The following TNFRSF10B variants were observed in gnomAD, a reference collection of about 807,000 sequenced individuals.
TNFRSF10B encodes TNF receptor superfamily member 10b.
In TNFRSF10B, 35 loss-of-function variants were observed where a neutral mutation model predicts 41.4. That is an observed-to-expected ratio of 0.85 (90% confidence interval 0.65 to 1.12). The LOEUF (loss-of-function observed/expected upper bound fraction) is 1.12. Ranked by LOEUF, TNFRSF10B falls within the 50% of genes most tolerant of loss-of-function variation. The pLI is 0.00. For missense variants in TNFRSF10B, 584 were observed against 552.7 expected (o/e 1.06, Z -0.57); for synonymous variants, 230 against 215.5 (o/e 1.07, Z -0.59).
At chr8:23,027,556 G>C in intron 6 of TNFRSF10B, 166 bp downstream of exon 6, 1 of 923,344 alleles carries the variant, frequency 1.1e-6, no homozygotes, top group Non-Finnish European at 1.7e-6. Context: ...CCTATGTGGT[G>C]CTCAAAATGG....
intron 2 of TNFRSF10B, 75 bp downstream of exon 2, chr8:23,043,063 G>A (rs1812253250): frequency 7.2e-7 from 1 of 1,394,786 alleles, no homozygotes; most frequent in Non-Finnish European, 1.0e-6. Flanking sequence ...ACAAGGAAGT[G>A]CAAAGGAAAC....
intron 1 of TNFRSF10B, among the ~76,000 whole-genome samples, chr8:23,054,165 T>C (rs370077520): frequency 5.7e-4 from 87 of 152,302 alleles, no homozygotes; most frequent in African/African-American, 2.0e-3. Flanking sequence ...ACTTTGGAGA[T>C]TGTGACATCA....
intron 2 of TNFRSF10B, among the ~76,000 whole-genome samples, chr8:23,042,359 C>T (rs1249296038): frequency 6.6e-6 from 1 of 152,220 alleles, no homozygotes; most frequent in Non-Finnish European, 1.5e-5. Flanking sequence ...GCCACACTTG[C>T]CTGCCCTGGA....
At chr8:23,062,693 T>C (rs1812866517) in intron 1 of TNFRSF10B, among the ~76,000 whole-genome samples, 2 of 152,268 alleles carry the variant, frequency 1.3e-5, no homozygotes, top group Non-Finnish European at 2.9e-5. Context: ...ATAAATATCA[T>C]AGATGGAATC....
chr8:23,047,543 C>T (rs1812398905), intron 1 of TNFRSF10B, among the ~76,000 whole-genome samples: 1 of 151,642 alleles, frequency 6.6e-6, no homozygotes, highest in Non-Finnish European at 1.5e-5. Flanking sequence ...GGGCAAGGGA[C>T]CTGAGTAGAC....
chr8:23,032,452 G>GA (rs1372799459), intron 2 of TNFRSF10B, among the ~76,000 whole-genome samples: 1 of 152,178 alleles, frequency 6.6e-6, no homozygotes, highest in African/African-American at 2.4e-5. Context: ...TTCAAAATTG[G>GA]AAAGTGTGAG....
intron 4 of TNFRSF10B, among the ~76,000 whole-genome samples, chr8:23,029,229 T>C (rs1173294500): frequency 6.6e-6 from 1 of 152,186 alleles, no homozygotes; most frequent in Non-Finnish European, 1.5e-5. Flanking sequence ...GGCCCCTGCA[T>C]GCATAAAAAT....
At chr8:23,056,836 T>C (rs994572977) in intron 1 of TNFRSF10B, among the ~76,000 whole-genome samples, 3 of 152,144 alleles carry the variant, frequency 2.0e-5, no homozygotes, top group Admixed American at 1.3e-4. Context: ...CTATTTCCAA[T>C]TGAATTTCAT....
chr8:23,052,092 T>C (rs907052075), intron 1 of TNFRSF10B, among the ~76,000 whole-genome samples: 14 of 152,268 alleles, frequency 9.2e-5, no homozygotes, highest in South Asian at 2.1e-4. Flanking sequence ...AGTTTTCATA[T>C]ATAATCTGGG....
At chr8:23,039,477 A>G (rs1446667916) in intron 2 of TNFRSF10B, among the ~76,000 whole-genome samples, 1 of 152,082 alleles carries the variant, frequency 6.6e-6, no homozygotes. Flanking sequence ...TCTTTTTTCT[A>G]TTGAGGCTTT....
chr8:23,047,552 A>G (rs181064384), intron 1 of TNFRSF10B, among the ~76,000 whole-genome samples: 1 of 152,234 alleles, frequency 6.6e-6, no homozygotes, highest in Admixed American at 6.5e-5. Context: ...ACCTGAGTAG[A>G]CATTTCTCAG....
intron 2 of TNFRSF10B, among the ~76,000 whole-genome samples, chr8:23,041,181 C>T (rs561659179): frequency 4.6e-5 from 7 of 152,046 alleles, no homozygotes; most frequent in Admixed American, 3.9e-4. Context: ...GCCTCAGCCT[C>T]CCAAGTAGCT....
chr8:23,026,391 G>A (rs576615179), intron 7 of TNFRSF10B, among the ~76,000 whole-genome samples: 2 of 152,236 alleles, frequency 1.3e-5, no homozygotes, highest in Admixed American at 1.3e-4. Flanking sequence ...AGAATTGGTT[G>A]CTAAATGGGC....
Position 23,024,200 on chromosome 8 carries a change from C to A in TNFRSF10B, c.997G>T (p.Asp333Tyr), listed in dbSNP as rs1811631352. Residue 333 changes from aspartate (D) to tyrosine (Y), a missense_variant, in exon 8 of 9, where the codon GAT (aspartate) becomes TAT (tyrosine). Transcript: ENST00000276431. ...RRLLVPANEG[D>Y]PTETLRQCFD... is the part of the protein sequence containing the mutation. ...GCAAAACACTTACTCTCAGTGGGATCACCTTCATTTGCTGGAACCAGCAGC... is the reference window on the plus strand; with the variant it reads ...GCAAAACACTTACTCTCAGTGGGATAACCTTCATTTGCTGGAACCAGCAGC... The A allele has an allele frequency of 6.2e-7, 1 of 1,613,992 alleles. No homozygotes were observed. Among genetic ancestry groups the A allele is most frequent in the Non-Finnish European group, 8.5e-7 (1 of 1,180,008 alleles).
rs903438767 is a variant in TNFRSF10B, at chr8:23,059,331, A to G, written c.144+9420T>C. ...AATATCTGTTTGAAACCATGCTTTC[A>G]ATTCTTTTGGACGTATACCTAGAAG... On this transcript the variant is annotated intron_variant, in intron 1 of 8. Transcript: ENST00000276431. Among the ~76,000 whole-genome samples the G allele has an allele frequency of 2.6e-5, 4 of 152,206 alleles. No individual in the cohort carries two copies. The South Asian group carries it at 6.2e-4, about 24-fold the overall frequency.
intron 1 of TNFRSF10B, among the ~76,000 whole-genome samples, chr8:23,066,702 C>T (rs1812992431): frequency 2.0e-5 from 3 of 151,622 alleles, no homozygotes; most frequent in Non-Finnish European, 4.4e-5. Flanking sequence ...GCCAGACCAT[C>T]CTGGCTAACA....
At chr8:23,060,263 A>G (rs1186930326) in intron 1 of TNFRSF10B, among the ~76,000 whole-genome samples, 1 of 152,202 alleles carries the variant, frequency 6.6e-6, no homozygotes, top group Admixed American at 6.5e-5. Flanking sequence ...CAAGAGTTCT[A>G]TAGCTTTAGC....
In TNFRSF10B at chr8:23,022,904, T is replaced by G. The variant is rs764204641; in HGVS notation, c.1090A>C (p.Met364Leu). Residue 364 changes from methionine (M) to leucine (L), a missense_variant, in exon 9 of 9, where the codon ATG becomes CTG. Met to Leu is a conservative substitution (Grantham distance 15, BLOSUM62 2). Coordinates refer to ENST00000276431, the MANE Select transcript of TNFRSF10B (RefSeq NM_003842.5). Reference sequence around the variant, plus strand: ...TTAGCCACCTTTATCTCATTGTCCATGAGGCCCAACTTCCTCATGAGCGGC... The same window carrying G: ...TTAGCCACCTTTATCTCATTGTCCAGGAGGCCCAACTTCCTCATGAGCGGC... The part of the protein sequence containing the change: ...WEPLMRKLGL[M>L]DNEIKVAKAE... 3 of 1,614,112 alleles carry G rather than the reference T, an allele frequency of 1.9e-6. No homozygotes were observed. Among genetic ancestry groups the G allele is most frequent in the South Asian group, 2.2e-5 (2 of 91,072 alleles).
rs1813079612 is a variant in TNFRSF10B, at chr8:23,068,781, A to G, written c.114T>C (p.Leu38=). Residue 38 remains leucine, a synonymous_variant, in exon 1 of 9, where the codon CTT becomes CTC. Transcript: ENST00000276431. ...ARPGPRVPKT[L]VLVVAAVLLL... ...GCAGGACCGCGGCGACAACGAGCAC[A>G]AGGGTCTTGGGGACCCGGGGCCCAG... The G allele has an allele frequency of 3.1e-6, 5 of 1,605,104 alleles. No individual in the cohort carries two copies. The highest frequency in any genetic ancestry group is 4.3e-6 in the Non-Finnish European group (5 of 1,176,230).
Sources: allele counts gnomAD v4.1 joint callset (sites outside exome capture counted in the v4.1 genomes callset), GRCh38; gene constraint gnomAD v4.1.1; transcripts MANE v1.5; gene names NCBI Gene and HGNC (gene_info 2026-07-23, HGNC 2026-07-21).